Variants in IL4 observed in about 807,000 individuals in gnomAD.
The protein encoded by IL4 is interleukin-4.
Under a neutral mutation model 17.4 loss-of-function variants are expected in IL4, and 10 were observed. The ratio of observed to expected loss-of-function variants is 0.57; its 90% confidence interval spans 0.35 to 0.97. IL4 has a LOEUF of 0.97. Among genes scored for constraint, IL4 ranks in the 50% least tolerant of loss-of-function variants. The pLI, the probability that IL4 is intolerant of heterozygous loss-of-function variation, is 0.01. For synonymous variants in IL4, 87 were observed against 79.0 expected, an observed-to-expected ratio of 1.10 and a Z score of -0.54; for missense variants, 174 against 187.7, an observed-to-expected ratio of 0.93 and a Z score of 0.43.
chr5:132,675,927 A>ATGTGTGTGTGTG (rs1338820933), intron 2 of IL4, among the ~76,000 whole-genome samples: 1 of 41,020 alleles, frequency 2.4e-5, no homozygotes. Context: ...ATGTGTATGT[A>ATGTGTGTGTGTG]TATGTGTGTG....
At chr5:132,675,069 C>T (rs2243253) in intron 2 of IL4, among the ~76,000 whole-genome samples, 6,112 of 152,222 alleles carry the variant, frequency 0.04, 397 homozygotes, top group African/African-American at 0.14. Flanking sequence ...CCCTCCAGCT[C>T]GGTCTGGAAC....
chr5:132,677,532 C>T (rs1248358411), intron 2 of IL4, among the ~76,000 whole-genome samples: 1 of 152,214 alleles, frequency 6.6e-6, no homozygotes, highest in Non-Finnish European at 1.5e-5. Context: ...AGGATGCATT[C>T]TTTTAAAGTT....
intron 2 of IL4, among the ~76,000 whole-genome samples, chr5:132,674,855 T>G (rs1384386258): frequency 1.3e-5 from 2 of 152,188 alleles, no homozygotes; most frequent in African/African-American, 4.8e-5. Context: ...GCCCATACAT[T>G]TCTGAAAAAC....
At chr5:132,678,338 A>C (rs958253910) in intron 2 of IL4, among the ~76,000 whole-genome samples, 1 of 152,264 alleles carries the variant, frequency 6.6e-6, no homozygotes, top group African/African-American at 2.4e-5. Flanking sequence ...AAGAAGTTAC[A>C]AAACAGTATC....
Position 132,674,519 on chromosome 5 carries a change from C to A in IL4, c.183+13C>A. On this transcript the variant is annotated intron_variant, in intron 2 of 3. Transcript: ENST00000231449. ...TGCTGCCTCCAAGGTAAGAAGCCGT[C>A]CCACGGTCTGTTTTAGCAAATGGGG... The A allele has an allele frequency of 2.5e-6, 4 of 1,611,256 alleles. No homozygotes were observed. The highest frequency in any genetic ancestry group is 3.4e-6 in the Non-Finnish European group (4 of 1,177,394).
At chr5:132,682,407 C>T (rs1752505081) in intron 3 of IL4, 79 bp from the exon 4 acceptor site, 2 of 840,176 alleles carry the variant, frequency 2.4e-6, no homozygotes, top group East Asian at 4.9e-5. Flanking sequence ...TGACAAGTGC[C>T]ACAGTAGGCT....
chr5:132,679,318 G>A (rs1752440844), intron 2 of IL4, among the ~76,000 whole-genome samples: 1 of 152,200 alleles, frequency 6.6e-6, no homozygotes, highest in South Asian at 2.1e-4. Flanking sequence ...AGCTCATGTG[G>A]GCACTTTTCA....
rs1752357439 is a variant in IL4, at chr5:132,675,388, C to G, written c.183+882C>G. 2.0e-5 allele frequency among the ~76,000 whole-genome samples: 3 copies of G among 152,116 alleles called. No homozygotes were observed. In the South Asian group the frequency reaches 6.2e-4, roughly 32 times the overall value. On this transcript the variant is annotated intron_variant, in intron 2 of 3. Coordinates refer to ENST00000231449, the MANE Select transcript of IL4 (RefSeq NM_000589.4). ...GGAGATGATATGGCCAGGAGTGAAG[C>G]CCTGTGTGTTGGGCAGGGTCACACT...
intron 2 of IL4, among the ~76,000 whole-genome samples, chr5:132,677,033 T>G (rs2227284): frequency 0.52 from 78,824 of 152,012 alleles, 25,526 homozygotes; most frequent in Non-Finnish European, 0.74. Context: ...TAGTTGGAGC[T>G]ATTTCCTATT....
Position 132,674,445 on chromosome 5 carries a change from C to G in IL4, c.136-14C>G, listed in dbSNP as rs1284138539. On this transcript the variant is annotated splice_polypyrimidine_tract_variant and intron_variant, in intron 1 of 3. Coordinates refer to ENST00000231449, the MANE Select transcript of IL4 (RefSeq NM_000589.4). ...AACTCTGTCTCTTGCTCTCTCATTT[C>G]TGCCTGGACCAAGACTCTGTGCACC... 13 of 1,613,580 alleles carry G rather than the reference C, an allele frequency of 8.1e-6. No individual in the cohort carries two copies. Among genetic ancestry groups the G allele is most frequent in the Non-Finnish European group, 1.0e-5 (12 of 1,179,584 alleles).
chr5:132,679,482 T>C (rs764907777), intron 2 of IL4, among the ~76,000 whole-genome samples: 33 of 152,094 alleles, frequency 2.2e-4, no homozygotes, highest in Non-Finnish European at 4.1e-4. Context: ...GAAAGGAAAC[T>C]GGGAGGTTCT....
At chr5:132,675,769 C>T (rs201483372) in intron 2 of IL4, among the ~76,000 whole-genome samples, 2 of 151,864 alleles carry the variant, frequency 1.3e-5, no homozygotes, top group Admixed American at 6.6e-5. Context: ...AGGCTTGTCT[C>T]GAACTTCTGG....
chr5:132,679,123 C>G (rs565889656), intron 2 of IL4, among the ~76,000 whole-genome samples: 10 of 152,220 alleles, frequency 6.6e-5, no homozygotes, highest in Non-Finnish European at 1.2e-4. Context: ...GGCAAAATGT[C>G]TTAGCTCCTC....
At chr5:132,679,983 T>C (rs1199066805) in intron 3 of IL4, 93 bp downstream of exon 3, 5 of 1,037,500 alleles carry the variant, frequency 4.8e-6, no homozygotes, top group Non-Finnish European at 6.9e-6. Context: ...TGCAGCACCC[T>C]TGGTCAACCC....
chr5:132,674,266 G>A, intron 1 of IL4, 81 bp downstream of exon 1: 3 of 1,538,108 alleles, frequency 2.0e-6, no homozygotes, highest in Non-Finnish European at 2.7e-6. Flanking sequence ...GTTAACAGCT[G>A]CTAGAGAAGT....
intron 2 of IL4, among the ~76,000 whole-genome samples, chr5:132,675,184 G>A (rs1752354418): frequency 6.6e-6 from 1 of 152,220 alleles, no homozygotes; most frequent in Non-Finnish European, 1.5e-5. Flanking sequence ...TCTGTAGTGG[G>A]AGGAGATAGA....
chr5:132,676,118 G>A (rs1318356746), intron 2 of IL4, among the ~76,000 whole-genome samples: 1 of 152,110 alleles, frequency 6.6e-6, no homozygotes, highest in African/African-American at 2.4e-5. Flanking sequence ...GAGGAAGGGT[G>A]AGGGCTGAGG....
At chr5:132,675,893 G>GTGTA (rs1752371980) in intron 2 of IL4, among the ~76,000 whole-genome samples, 1 of 144,962 alleles carries the variant, frequency 6.9e-6, no homozygotes, top group South Asian at 2.2e-4. Context: ...ATGTGTGTGT[G>GTGTA]TATATATATG....
At chr5:132,675,915 A>ATGTGTG (rs1409107227) in intron 2 of IL4, among the ~76,000 whole-genome samples, 36 of 98,360 alleles carry the variant, frequency 3.7e-4, no homozygotes, top group African/African-American at 1.6e-3. Context: ...GTGTATGTAT[A>ATGTGTG]TATGTGTATG....
Sources: gnomAD v4.1 joint callset for allele counts (sites outside exome capture counted in the v4.1 genomes callset) on GRCh38, gnomAD v4.1.1 for gene constraint, MANE v1.5 for transcripts, NCBI Gene and HGNC (gene_info 2026-07-23, HGNC 2026-07-21) for gene names.